Variants in GMDS observed in about 807,000 individuals in gnomAD.
GMDS encodes the protein GDP-mannose 4,6 dehydratase.
Under a neutral mutation model 49.9 loss-of-function variants are expected in GMDS, and 20 were observed. The ratio of observed to expected loss-of-function variants is 0.40; its 90% confidence interval spans 0.28 to 0.58. GMDS has a LOEUF of 0.58. Among genes scored for constraint, GMDS ranks in the 20% least tolerant of loss-of-function variants. The pLI is 0.42. For missense variants in GMDS, 362 were observed against 481.4 expected (o/e 0.75, Z 2.32); for synonymous variants, 177 against 178.6 (o/e 0.99, Z 0.07).
chr6:1,803,285 G>C (rs1770022237), intron 7 of GMDS, among the ~76,000 whole-genome samples: 2 of 152,102 alleles, frequency 1.3e-5, no homozygotes, highest in Non-Finnish European at 2.9e-5. Context: ...CAAAACCCTG[G>C]CTGGCTAAAA....
chr6:1,734,009 G>C (rs1766921967), intron 8 of GMDS, among the ~76,000 whole-genome samples: 1 of 152,182 alleles, frequency 6.6e-6, no homozygotes, highest in East Asian at 1.9e-4. Context: ...AGGAGGGCGG[G>C]TGCCGTTTTT....
intron 4 of GMDS, among the ~76,000 whole-genome samples, chr6:2,028,995 CTTTCT>C (rs1768789391): frequency 7.1e-6 from 1 of 141,708 alleles, no homozygotes; most frequent in Non-Finnish European, 1.6e-5. Context: ...TTTTTTCTTT[CTTTCT>C]TTTTTTTTTA....
At chr6:1,842,091 G>A (rs752587702) in intron 7 of GMDS, among the ~76,000 whole-genome samples, 4 of 152,090 alleles carry the variant, frequency 2.6e-5, no homozygotes, top group Non-Finnish European at 1.5e-5. Context: ...CCTCTCAAAG[G>A]CTGTGTTCTC....
intron 1 of GMDS, among the ~76,000 whole-genome samples, chr6:2,148,495 A>C (rs570889822): frequency 6.6e-6 from 1 of 152,176 alleles, no homozygotes; most frequent in East Asian, 1.9e-4. Context: ...ATCTCTGCTC[A>C]CTGAAACCTT....
At chr6:1,728,356 T>G (rs2113447294) in intron 8 of GMDS, among the ~76,000 whole-genome samples, 1 of 152,352 alleles carries the variant, frequency 6.6e-6, no homozygotes, top group South Asian at 2.1e-4. Flanking sequence ...TGATCTATTT[T>G]TGCTCACATT....
chr6:1,803,718 C>G (rs977998414), intron 7 of GMDS, among the ~76,000 whole-genome samples: 2 of 152,094 alleles, frequency 1.3e-5, no homozygotes, highest in African/African-American at 4.8e-5. Flanking sequence ...TTTAACTCTG[C>G]TGGGTCAATA....
chr6:2,187,541 C>T (rs143394399), intron 1 of GMDS, among the ~76,000 whole-genome samples: 24 of 152,302 alleles, frequency 1.6e-4, no homozygotes, highest in Admixed American at 5.2e-4. Flanking sequence ...ACAGTGCTTG[C>T]TATGCCTCAT....
intron 4 of GMDS, among the ~76,000 whole-genome samples, chr6:2,111,183 A>G (rs1183171351): frequency 6.6e-6 from 1 of 152,240 alleles, no homozygotes; most frequent in Non-Finnish European, 1.5e-5. Flanking sequence ...TTACTTACAC[A>G]GCAAAAAATA....
In GMDS at chr6:1,623,904, ATG is replaced by A. The variant is rs770438454; in HGVS notation, c.*263_*264del. 18 of 466,834 alleles carry A rather than the reference ATG, an allele frequency of 3.9e-5. No individual in the cohort carries two copies. The highest frequency in any genetic ancestry group is 6.1e-5 in the African/African-American group (3 of 49,362). 28.9% of individuals were successfully genotyped at this position (466,834 alleles called of 1,614,324 possible). On this transcript the variant is annotated 3_prime_UTR_variant, in exon 11 of 11. Coordinates refer to ENST00000380815, the MANE Select transcript of GMDS (RefSeq NM_001500.4). The stretch of plus-strand genomic sequence containing the variant: ...AACAACATAATTTCAAGTAAAGTGA[ATG>A]TGATTAAAACATCTTGATTTCACAA...
intron 7 of GMDS, among the ~76,000 whole-genome samples, chr6:1,821,355 G>A (rs1349976140): frequency 1.3e-5 from 2 of 152,024 alleles, no homozygotes; most frequent in East Asian, 3.9e-4. Context: ...ACACTGCCAG[G>A]GGAGCCGCGG....
chr6:2,076,827 A>T (rs969124394), intron 4 of GMDS, among the ~76,000 whole-genome samples: 3 of 152,344 alleles, frequency 2.0e-5, no homozygotes, highest in Admixed American at 6.5e-5. Context: ...AACCTAGGCA[A>T]TACCATTCAG....
intron 6 of GMDS, among the ~76,000 whole-genome samples, chr6:1,950,637 A>G (rs968134751): frequency 5.3e-5 from 8 of 152,252 alleles, no homozygotes; most frequent in African/African-American, 1.9e-4. Flanking sequence ...AATTTACTGT[A>G]AAGTGAAAGT....
At chr6:2,222,190 C>G (rs1581818764) in intron 1 of GMDS, among the ~76,000 whole-genome samples, 1 of 152,188 alleles carries the variant, frequency 6.6e-6, no homozygotes, top group East Asian at 1.9e-4. Flanking sequence ...TAGACCAGCA[C>G]TCACTGTAAG....
chr6:1,807,721 C>T (rs140437958), intron 7 of GMDS, among the ~76,000 whole-genome samples: 84 of 152,278 alleles, frequency 5.5e-4, no homozygotes, highest in African/African-American at 1.9e-3. Flanking sequence ...AATCTCCATC[C>T]CTATCTCACA....
At chr6:2,098,295 C>T (rs568536820) in intron 4 of GMDS, among the ~76,000 whole-genome samples, 14 of 152,218 alleles carry the variant, frequency 9.2e-5, no homozygotes, top group Admixed American at 8.5e-4. Flanking sequence ...TGACCTCAGT[C>T]GATCCACCTG....
At chr6:2,205,386 T>C (rs1581794175) in intron 1 of GMDS, among the ~76,000 whole-genome samples, 1 of 152,344 alleles carries the variant, frequency 6.6e-6, no homozygotes, top group South Asian at 2.1e-4. Flanking sequence ...TCCTGCCGCC[T>C]TCTTACCATG....
chr6:1,703,051 A>T (rs1257054048), intron 9 of GMDS, among the ~76,000 whole-genome samples: 1 of 152,218 alleles, frequency 6.6e-6, no homozygotes, highest in Non-Finnish European at 1.5e-5. Context: ...CAGCTGCAGT[A>T]GCACCTTTTG....
intron 4 of GMDS, among the ~76,000 whole-genome samples, chr6:2,063,985 T>C (rs1463743484): frequency 1.3e-5 from 2 of 152,234 alleles, no homozygotes; most frequent in African/African-American, 2.4e-5. Context: ...TATAACTACA[T>C]GCCCAAGTGT....
At chr6:1,819,737 G>A (rs1770807948) in intron 7 of GMDS, among the ~76,000 whole-genome samples, 1 of 140,840 alleles carries the variant, frequency 7.1e-6, no homozygotes, top group Non-Finnish European at 1.5e-5. Flanking sequence ...CTCCAGCCTA[G>A]GCAATAAAGT....
Sources: gnomAD v4.1 joint callset for allele counts (sites outside exome capture counted in the v4.1 genomes callset) on GRCh38, gnomAD v4.1.1 for gene constraint, MANE v1.5 for transcripts, NCBI Gene and HGNC (gene_info 2026-07-23, HGNC 2026-07-21) for gene names.